The following EPHA3 variants were observed in gnomAD, a reference collection of about 807,000 sequenced individuals.
EPHA3 encodes EPH receptor A3.
EPHA3 carries 42 observed loss-of-function variants against 107.1 expected under a neutral mutation model. The observed-to-expected ratio is 0.39, with a 90% CI of 0.31 to 0.51. The LOEUF is 0.51. Among genes scored for constraint, EPHA3 ranks in the 20% least tolerant of loss-of-function variants. The pLI, the probability that EPHA3 is intolerant of heterozygous loss-of-function variation, is 0.78. For synonymous variants in EPHA3, 461 were observed against 424.8 expected (o/e 1.09, Z -1.05); for missense variants, 1,183 against 1,211.2 (o/e 0.98, Z 0.35).
At chr3:89,220,946 G>A (rs1464342183) in intron 3 of EPHA3, among the ~76,000 whole-genome samples, 1 of 152,172 alleles carries the variant, frequency 6.6e-6, no homozygotes, top group African/African-American at 2.4e-5. Flanking sequence ...CAACATATGA[G>A]CTTGGTGGAA....
intron 3 of EPHA3, among the ~76,000 whole-genome samples, chr3:89,322,334 T>G (rs1488211703): frequency 1.3e-5 from 2 of 152,088 alleles, no homozygotes; most frequent in East Asian, 3.9e-4. Context: ...GACTAATAGC[T>G]CTAACCTTTG....
At chr3:89,118,842 AAAAT>A (rs1707314355) in intron 1 of EPHA3, among the ~76,000 whole-genome samples, 1 of 152,062 alleles carries the variant, frequency 6.6e-6, no homozygotes, top group African/African-American at 2.4e-5. Flanking sequence ...AAATGAATCT[AAAAT>A]AAATACTTAT....
chr3:89,312,490 T>G (rs1404332350), intron 3 of EPHA3, among the ~76,000 whole-genome samples: 3 of 151,706 alleles, frequency 2.0e-5, no homozygotes, highest in Admixed American at 2.0e-4. Context: ...GCATTTTGCC[T>G]CAGTTTTTTC....
In EPHA3 at chr3:89,431,982, T is replaced by G. The variant is rs1709577889; in HGVS notation, c.2346+623T>G. Among the ~76,000 whole-genome samples the G allele has an allele frequency of 2.6e-5, 4 of 152,278 alleles. No homozygotes were observed. In the South Asian group the frequency reaches 8.3e-4, roughly 32 times the overall value. Reference sequence around the variant, plus strand: ...CTTACCAATACACTTCTTGAATATATTTCATTGTCAATAAATAATCTTTAA... The same window carrying G: ...CTTACCAATACACTTCTTGAATATAGTTCATTGTCAATAAATAATCTTTAA... On this transcript the variant is annotated intron_variant, in intron 13 of 16. Coordinates refer to ENST00000336596, the MANE Select transcript of EPHA3 (RefSeq NM_005233.6).
chr3:89,245,731 A>G (rs142088958), intron 3 of EPHA3, among the ~76,000 whole-genome samples: 8 of 152,344 alleles, frequency 5.3e-5, no homozygotes, highest in African/African-American at 1.9e-4. Context: ...GCCTGTGTAC[A>G]TTATAGACCT....
chr3:89,474,946 G>T (rs1250821014), intron 16 of EPHA3, among the ~76,000 whole-genome samples: 1 of 152,086 alleles, frequency 6.6e-6, no homozygotes, highest in African/African-American at 2.4e-5. Context: ...GGTTTGTCCT[G>T]CACACTGAGT....
chr3:89,229,290 G>A (rs1704571814), intron 3 of EPHA3, among the ~76,000 whole-genome samples: 1 of 151,844 alleles, frequency 6.6e-6, no homozygotes, highest in Admixed American at 6.6e-5. Flanking sequence ...AAATTACTCT[G>A]TAATTTAGCA....
chr3:89,262,348 G>A (rs1705435980), intron 3 of EPHA3, among the ~76,000 whole-genome samples: 1 of 152,068 alleles, frequency 6.6e-6, no homozygotes, highest in Non-Finnish European at 1.5e-5. Flanking sequence ...ATATTGGTGG[G>A]GCCATACTCC....
intron 5 of EPHA3, among the ~76,000 whole-genome samples, chr3:89,351,941 AG>A (rs1190833082): frequency 1.3e-5 from 2 of 150,382 alleles, no homozygotes; most frequent in African/African-American, 4.8e-5. Flanking sequence ...AAAAAAAAAA[AG>A]TGGAGAAGGA....
chr3:89,212,055 G>A (rs775075569), intron 3 of EPHA3, among the ~76,000 whole-genome samples: 1 of 151,696 alleles, frequency 6.6e-6, no homozygotes, highest in Non-Finnish European at 1.5e-5. Context: ...AAATAGAAAT[G>A]CATATAAAAA....
At chr3:89,204,680 A>G (rs2107169758) in intron 2 of EPHA3, among the ~76,000 whole-genome samples, 1 of 152,010 alleles carries the variant, frequency 6.6e-6, no homozygotes, top group South Asian at 2.1e-4. Flanking sequence ...ACTTATGAAT[A>G]AATAGAAATA....
rs183966245 is a variant in EPHA3 at position 89,479,657 on chromosome 3, A to G, written c.*155A>G. 3.0e-5 allele frequency: 17 copies of G among 565,708 alleles called. No individual in the cohort carries two copies. In the South Asian group the frequency reaches 3.5e-4, roughly 12 times the overall value. The allele number at this position is 565,708 out of a possible 1,614,324, so 35.0% of individuals were successfully genotyped here. On this transcript the variant is annotated 3_prime_UTR_variant, in exon 17 of 17. Coordinates refer to ENST00000336596, the MANE Select transcript of EPHA3 (RefSeq NM_005233.6). ...ACAAATGCCTTAAAATGGAATTGAA[A>G]AACTCTTTATTTTCCCCTATCATTT... is the stretch of plus-strand genomic sequence containing the variant.
In EPHA3 at chr3:89,189,199, T is replaced by G. The variant is rs137982683; in HGVS notation, c.154-20661T>G. On this transcript the variant is annotated intron_variant, in intron 2 of 16. Transcript: ENST00000336596. ...TACCTTATGAAATGAGATGTATACC[T>G]TAAACTATAATTGACATTAAGTGGG... is the stretch of plus-strand genomic sequence containing the variant. Among the ~76,000 whole-genome samples, 1,515 of 152,328 alleles carry G rather than the reference T, an allele frequency of 9.9e-3. 12 individuals carry two copies. Among genetic ancestry groups the G allele is most frequent in the East Asian group, 0.028 (143 of 5,184 alleles).
At chr3:89,303,421 C>A (rs1192808989) in intron 3 of EPHA3, among the ~76,000 whole-genome samples, 3 of 118,770 alleles carry the variant, frequency 2.5e-5, no homozygotes, top group African/African-American at 3.3e-5. Flanking sequence ...TCTTAAAATG[C>A]AAAACCTGAT....
chr3:89,350,604 T>G (rs1462776655), intron 5 of EPHA3, among the ~76,000 whole-genome samples: 1 of 151,040 alleles, frequency 6.6e-6, no homozygotes, highest in Admixed American at 6.6e-5. Context: ...TCTGAAGCCT[T>G]CTTCTCTCAG....
At chr3:89,320,165 T>C (rs764563003) in intron 3 of EPHA3, among the ~76,000 whole-genome samples, 13 of 151,902 alleles carry the variant, frequency 8.6e-5, no homozygotes, top group African/African-American at 2.9e-4. Context: ...AAGATATACA[T>C]ACTTGCAAGA....
intron 3 of EPHA3, among the ~76,000 whole-genome samples, chr3:89,320,501 C>A (rs180800438): frequency 6.6e-6 from 1 of 152,088 alleles, no homozygotes; most frequent in African/African-American, 2.4e-5. Context: ...ATTGAGCCAT[C>A]TTGTGTCATC....
chr3:89,432,031 G>A (rs973653841), intron 13 of EPHA3, among the ~76,000 whole-genome samples: 3 of 151,998 alleles, frequency 2.0e-5, no homozygotes, highest in South Asian at 4.1e-4. Flanking sequence ...GTAGGTTGCT[G>A]TATTCTATAT....
At chr3:89,378,419 A>C (rs1270862917) in intron 5 of EPHA3, among the ~76,000 whole-genome samples, 17 of 152,134 alleles carry the variant, frequency 1.1e-4, no homozygotes, top group Admixed American at 9.2e-4. Flanking sequence ...TAATGATGAT[A>C]AACTCATCAT....
Sources: allele counts gnomAD v4.1 joint callset (sites outside exome capture counted in the v4.1 genomes callset), GRCh38; gene constraint gnomAD v4.1.1; transcripts MANE v1.5; gene names NCBI Gene and HGNC (gene_info 2026-07-23, HGNC 2026-07-21).